MGAT5: variants seen among roughly 807,000 people sequenced by gnomAD.
The protein encoded by MGAT5 is alpha-1,6-mannosylglycoprotein 6-beta-N-acetylglucosaminyltransferase A.
Under a neutral mutation model 94.3 loss-of-function variants are expected in MGAT5, and 30 were observed. The ratio of observed to expected loss-of-function variants is 0.32; its 90% CI spans 0.24 to 0.43. The LOEUF (loss-of-function observed/expected upper bound fraction) is 0.43, where lower values mean the gene tolerates loss of function less well. Ranked by LOEUF, MGAT5 falls within the 20% of genes least tolerant of loss-of-function variation. MGAT5 has a pLI of 1.00. For missense variants in MGAT5, 691 were observed against 905.5 expected, an observed-to-expected ratio of 0.76 and a Z score of 3.04; for synonymous variants, 310 against 322.9, an observed-to-expected ratio of 0.96 and a Z score of 0.43.
intron 1 of MGAT5, among the ~76,000 whole-genome samples, chr2:134,190,414 T>C (rs1009251889): frequency 6.6e-6 from 1 of 152,236 alleles, no homozygotes; most frequent in Non-Finnish European, 1.5e-5. Context: ...AATTTCACAG[T>C]ACATGTTTGT....
At chr2:134,414,972 G>A (rs1480250476) in intron 12 of MGAT5, among the ~76,000 whole-genome samples, 1 of 152,164 alleles carries the variant, frequency 6.6e-6, no homozygotes, top group Non-Finnish European at 1.5e-5. Flanking sequence ...TTCTTTTGCA[G>A]GCTAAATATT....
chr2:134,412,896 G>A lies in MGAT5; in HGVS notation c.1558G>A (p.Glu520Lys). Residue 520 changes from glutamate to lysine, a missense_variant, in exon 12 of 16, where the codon GAG (glutamate) becomes AAG (lysine). Coordinates refer to ENST00000281923, the MANE Select transcript of MGAT5 (RefSeq NM_002410.5). ...KLFVGLGFPY[E>K]GPAPLEAIAN... ...GTTTGTTGGACTTGGGTTCCCTTAC[G>A]AGGGCCCAGCTCCCCTGGAAGCTAT... is the stretch of plus-strand genomic sequence containing the variant. 1 of 1,614,096 alleles carries A rather than the reference G, an allele frequency of 6.2e-7. No homozygotes were observed. The highest frequency in any genetic ancestry group is 8.5e-7 in the Non-Finnish European group (1 of 1,180,010).
chr2:134,326,531 C>T (rs981557002), intron 4 of MGAT5, among the ~76,000 whole-genome samples: 22 of 152,014 alleles, frequency 1.4e-4, no homozygotes, highest in African/African-American at 5.3e-4. Flanking sequence ...CTTGCTCCCC[C>T]GGCCTGCATA....
intron 1 of MGAT5, among the ~76,000 whole-genome samples, chr2:134,262,329 C>G (rs536041916): frequency 3.3e-5 from 5 of 152,240 alleles, no homozygotes; most frequent in African/African-American, 1.2e-4. Flanking sequence ...CCTCCCCCTC[C>G]CAGACTCAAG....
intron 13 of MGAT5, among the ~76,000 whole-genome samples, chr2:134,426,337 TCAA>T (rs1684588052): frequency 6.6e-6 from 1 of 152,190 alleles, no homozygotes; most frequent in Non-Finnish European, 1.5e-5. Context: ...AGTGAATGAG[TCAA>T]CATCCCTTTG....
chr2:134,198,414 GGCTGGGAGAT>G (rs1357289402), intron 1 of MGAT5, among the ~76,000 whole-genome samples: 1 of 152,220 alleles, frequency 6.6e-6, no homozygotes, highest in Non-Finnish European at 1.5e-5. Flanking sequence ...GCAGGAAGTT[GGCTGGGAGAT>G]GCCTTTTACC....
At chr2:134,400,649 C>T (rs1459194993) in intron 10 of MGAT5, among the ~76,000 whole-genome samples, 2 of 152,066 alleles carry the variant, frequency 1.3e-5, no homozygotes, top group East Asian at 3.9e-4. Context: ...TATTTTTCTC[C>T]AGGACAGGAA....
At chr2:134,232,282 C>T (rs1303981602) in intron 1 of MGAT5, among the ~76,000 whole-genome samples, 1 of 152,180 alleles carries the variant, frequency 6.6e-6, no homozygotes, top group East Asian at 1.9e-4. Context: ...CTCTACACAG[C>T]AGCCAATATC....
chr2:134,165,368 G>C lies in MGAT5; in HGVS notation c.-143+45077G>C, dbSNP rs149889054. 5.5e-4 allele frequency among the ~76,000 whole-genome samples: 84 copies of C among 152,304 alleles called. 1 individual carries two copies. The East Asian group carries it at 0.014, about 26-fold the overall frequency. Reference sequence around the variant, plus strand: ...AATTTAATATATTGCATGGGATTGTGAGGTTGTTTCATGTTGGAATTCAAA... The same window carrying C: ...AATTTAATATATTGCATGGGATTGTCAGGTTGTTTCATGTTGGAATTCAAA... On this transcript the variant is annotated intron_variant, in intron 1 of 16. Transcript: ENST00000409645.
At chr2:134,199,383 G>A (rs1679659251) in intron 1 of MGAT5, among the ~76,000 whole-genome samples, 2 of 152,142 alleles carry the variant, frequency 1.3e-5, no homozygotes, top group Non-Finnish European at 2.9e-5. Flanking sequence ...CAAGCTTTGG[G>A]ACCAGCTGTG....
chr2:134,377,468 A>G (rs542080480), intron 10 of MGAT5, among the ~76,000 whole-genome samples: 6 of 152,358 alleles, frequency 3.9e-5, no homozygotes, highest in African/African-American at 1.2e-4. Context: ...GGAGGCCAGG[A>G]AAGTTGGGTT....
At chr2:134,336,005 C>G (rs1688312397) in intron 4 of MGAT5, among the ~76,000 whole-genome samples, 1 of 152,122 alleles carries the variant, frequency 6.6e-6, no homozygotes, top group Admixed American at 6.6e-5. Flanking sequence ...AAAGTATAAT[C>G]TCTTCCTTCT....
chr2:134,149,657 C>T (rs1055406795), intron 1 of MGAT5, among the ~76,000 whole-genome samples: 1 of 152,220 alleles, frequency 6.6e-6, no homozygotes, highest in African/African-American at 2.4e-5. Flanking sequence ...ATCTCAATTG[C>T]GAAAGCAATT....
intron 6 of MGAT5, among the ~76,000 whole-genome samples, chr2:134,340,349 C>T (rs1688555459): frequency 6.6e-6 from 1 of 152,104 alleles, no homozygotes. Flanking sequence ...CATCTGTCTA[C>T]CCATGTGCAG....
chr2:134,213,449 G>T (rs989592532), intron 1 of MGAT5, among the ~76,000 whole-genome samples: 1 of 151,190 alleles, frequency 6.6e-6, no homozygotes, highest in African/African-American at 2.4e-5. Flanking sequence ...TCACACCAAT[G>T]AATTATCCAA....
intron 1 of MGAT5, among the ~76,000 whole-genome samples, chr2:134,230,300 A>G (rs1263420089): frequency 6.6e-6 from 1 of 152,194 alleles, no homozygotes; most frequent in Non-Finnish European, 1.5e-5. Flanking sequence ...GGTAATGCTC[A>G]CTTGCTGGCT....
chr2:134,132,226 C>G (rs1270330865), intron 1 of MGAT5, among the ~76,000 whole-genome samples: 1 of 152,176 alleles, frequency 6.6e-6, no homozygotes, highest in Non-Finnish European at 1.5e-5. Context: ...GCCATTGTAT[C>G]TGCCCCTTTT....
At chr2:134,179,630 C>T (rs1216570040) in intron 1 of MGAT5, among the ~76,000 whole-genome samples, 2 of 152,178 alleles carry the variant, frequency 1.3e-5, no homozygotes, top group Non-Finnish European at 2.9e-5. Context: ...CCCGTAGGAT[C>T]GGAACCCAGG....
intron 1 of MGAT5, among the ~76,000 whole-genome samples, chr2:134,227,780 C>G (rs1427381815): frequency 6.6e-6 from 1 of 152,008 alleles, no homozygotes. Flanking sequence ...CAGGTAGGGA[C>G]CATTGTATTC....
Sources: allele counts gnomAD v4.1 joint callset (sites outside exome capture counted in the v4.1 genomes callset), GRCh38; gene constraint gnomAD v4.1.1; transcripts MANE v1.5; gene names NCBI Gene and HGNC (gene_info 2026-07-23, HGNC 2026-07-21).